NFIB: variants seen among roughly 807,000 people sequenced by gnomAD.
NFIB encodes the protein nuclear factor I B.
NFIB carries 11 observed loss-of-function variants against 61.5 expected under a neutral mutation model. The observed-to-expected ratio is 0.18, with a 90% CI of 0.11 to 0.30. NFIB has a LOEUF of 0.30. Ranked by LOEUF, NFIB falls within the 10% of genes least tolerant of loss-of-function variation. The pLI, the probability that NFIB is intolerant of heterozygous loss-of-function variation, is 1.00. For missense variants in NFIB, 471 were observed against 608.9 expected (o/e 0.77, Z 2.38); for synonymous variants, 260 against 216.5 (o/e 1.20, Z -1.76).
At chr9:14,260,726 G>C (rs542531065) in intron 2 of NFIB, among the ~76,000 whole-genome samples, 1 of 152,292 alleles carries the variant, frequency 6.6e-6, no homozygotes, top group African/African-American at 2.4e-5. Context: ...GGATAGCTCA[G>C]ATCCTACCAT....
At chr9:14,488,607 T>C in the NFIB span, among the ~76,000 whole-genome samples, 1 of 152,156 alleles carries the variant, frequency 6.6e-6, no homozygotes, top group Non-Finnish European at 1.5e-5. Flanking sequence ...CCCCAGTCCC[T>C]GGCTGGGGAA....
At chr9:14,289,720 G>C (rs1435555735) in intron 2 of NFIB, among the ~76,000 whole-genome samples, 1 of 151,968 alleles carries the variant, frequency 6.6e-6, no homozygotes, top group African/African-American at 2.4e-5. Context: ...TATATTACCA[G>C]TGAAATGATT....
At chr9:14,191,811 T>G (rs1271559264) in intron 2 of NFIB, among the ~76,000 whole-genome samples, 2 of 152,216 alleles carry the variant, frequency 1.3e-5, no homozygotes, top group Non-Finnish European at 2.9e-5. Flanking sequence ...ATTATTTTCA[T>G]TGCACGTACC....
chr9:14,186,496 C>G (rs1413641121), intron 2 of NFIB, among the ~76,000 whole-genome samples: 1 of 151,920 alleles, frequency 6.6e-6, no homozygotes, highest in Admixed American at 6.6e-5. Flanking sequence ...CAAGACGTAA[C>G]AGGTAAGAAA....
At chr9:14,379,858 T>C (rs1190945562) in intron 1 of NFIB, among the ~76,000 whole-genome samples, 1 of 152,058 alleles carries the variant, frequency 6.6e-6, no homozygotes, top group East Asian at 1.9e-4. Context: ...AGTTTTTGTA[T>C]TTTTAGTAGA....
At chr9:14,382,102 C>T (rs2061494765) in intron 1 of NFIB, among the ~76,000 whole-genome samples, 1 of 152,168 alleles carries the variant, frequency 6.6e-6, no homozygotes, top group Admixed American at 6.5e-5. Flanking sequence ...TCTAAGGTCC[C>T]TGAGGGCAGA....
intron 2 of NFIB, among the ~76,000 whole-genome samples, chr9:14,230,345 T>C (rs1419322793): frequency 6.6e-6 from 1 of 152,174 alleles, no homozygotes; most frequent in Non-Finnish European, 1.5e-5. Context: ...TATATGACTA[T>C]TTCCAATGGG....
chr9:14,343,923 A>G (rs2060985457), intron 1 of NFIB, among the ~76,000 whole-genome samples: 1 of 152,192 alleles, frequency 6.6e-6, no homozygotes, highest in African/African-American at 2.4e-5. Flanking sequence ...AATGGACTTC[A>G]GCATCTTCCT....
the NFIB span, among the ~76,000 whole-genome samples, chr9:14,494,730 T>C: frequency 6.6e-6 from 1 of 152,218 alleles, no homozygotes; most frequent in Non-Finnish European, 1.5e-5. Flanking sequence ...CTCTTTCTTC[T>C]AGGCATAAAG....
intron 1 of NFIB, among the ~76,000 whole-genome samples, chr9:14,366,106 T>C (rs1050520354): frequency 1.3e-5 from 2 of 152,180 alleles, no homozygotes; most frequent in African/African-American, 4.8e-5. Context: ...ACTAAGACAA[T>C]TGATCTACAG....
intron 2 of NFIB, among the ~76,000 whole-genome samples, chr9:14,261,114 T>A (rs1363193181): frequency 4.6e-5 from 7 of 152,134 alleles, no homozygotes; most frequent in Non-Finnish European, 1.5e-5. Flanking sequence ...GTCAGGAATT[T>A]GAGACCAGCC....
chr9:14,501,059 T>C, the NFIB span, among the ~76,000 whole-genome samples: 3 of 152,234 alleles, frequency 2.0e-5, no homozygotes, highest in African/African-American at 7.2e-5. Flanking sequence ...TGGAGGCTTC[T>C]AACTCATCGC....
chr9:14,146,490 A>T (rs911953590), intron 6 of NFIB, among the ~76,000 whole-genome samples, 199 bp downstream of exon 6: 1 of 152,206 alleles, frequency 6.6e-6, no homozygotes, highest in Non-Finnish European at 1.5e-5. Context: ...CCAACGAAAC[A>T]TGTAAAAATA....
chr9:14,199,182 T>C (rs974847523), intron 2 of NFIB, among the ~76,000 whole-genome samples: 2 of 152,178 alleles, frequency 1.3e-5, no homozygotes, highest in Non-Finnish European at 2.9e-5. Context: ...TTGGCATAGG[T>C]GACTTGAGGT....
At chr9:14,466,542 G>A in the NFIB span, among the ~76,000 whole-genome samples, 3 of 152,084 alleles carry the variant, frequency 2.0e-5, no homozygotes, top group Admixed American at 6.6e-5. Context: ...CAATGGAGGC[G>A]GGTGCTTCCA....
intron 9 of NFIB, among the ~76,000 whole-genome samples, chr9:14,115,417 G>C (rs1388604747): frequency 6.6e-6 from 1 of 152,080 alleles, no homozygotes; most frequent in South Asian, 2.1e-4. Flanking sequence ...GTACTAAGAA[G>C]CTGACAGTTG....
chr9:14,447,425 A>G, the NFIB span, among the ~76,000 whole-genome samples: 2 of 152,170 alleles, frequency 1.3e-5, no homozygotes, highest in South Asian at 2.1e-4. Flanking sequence ...ATTTATTTCT[A>G]TCATTCACCC....
intron 2 of NFIB, among the ~76,000 whole-genome samples, chr9:14,250,408 C>A (rs561546347): frequency 6.6e-6 from 1 of 152,114 alleles, no homozygotes; most frequent in Non-Finnish European, 1.5e-5. Flanking sequence ...AAAGAGGAGG[C>A]AGAATTAAAG....
At chr9:14,190,255 T>A (rs1563882973) in intron 2 of NFIB, among the ~76,000 whole-genome samples, 1 of 152,200 alleles carries the variant, frequency 6.6e-6, no homozygotes, top group Non-Finnish European at 1.5e-5. Context: ...TCTGTGATAC[T>A]ATATTCATAT....
Sources: gnomAD v4.1 joint callset for allele counts (sites outside exome capture counted in the v4.1 genomes callset) on GRCh38, gnomAD v4.1.1 for gene constraint, MANE v1.5 for transcripts, NCBI Gene and HGNC (gene_info 2026-07-23, HGNC 2026-07-21) for gene names.